The following TRDMT1 variants were observed in gnomAD, a reference collection of about 807,000 sequenced individuals.
The protein encoded by TRDMT1 is tRNA aspartic acid methyltransferase 1, also known as tRNA (cytosine(38)-C(5))-methyltransferase.
A neutral mutation model predicts 51.2 loss-of-function variants in TRDMT1; 49 were observed. That is an observed-to-expected ratio of 0.96 (90% CI 0.76 to 1.21). TRDMT1 has a LOEUF of 1.21. Ranked by LOEUF, TRDMT1 falls within the 50% of genes most tolerant of loss-of-function variation. The pLI is 0.00. For synonymous variants in TRDMT1, 187 were observed against 164.6 expected, an observed-to-expected ratio of 1.14 and a Z score of -1.04; for missense variants, 534 against 462.3, an observed-to-expected ratio of 1.16 and a Z score of -1.42.
intron 1 of TRDMT1, among the ~76,000 whole-genome samples, chr10:17,194,918 G>C (rs1364556250): frequency 1.5e-5 from 1 of 66,280 alleles, no homozygotes; most frequent in Non-Finnish European, 2.9e-5. Context: ...GTGCAACAAA[G>C]CAAGAATCCG....
At position 17,139,866 on chromosome 10, in the gene TRDMT1, A is replaced by C. The variant is rs567694745; in HGVS notation, c.*9174T>G. On this transcript the variant is annotated 3_prime_UTR_variant, in exon 11 of 11. Transcript: ENST00000377799. ...GTTATTCTAAGATCTATAAAAAACAACACCTTTGTATGCTTTCTTTATAGT... is the reference window on the plus strand; with the variant it reads ...GTTATTCTAAGATCTATAAAAAACACCACCTTTGTATGCTTTCTTTATAGT... Among the ~76,000 whole-genome samples, 9 of 152,128 alleles carry C rather than the reference A, an allele frequency of 5.9e-5. No individual in the cohort carries two copies. The East Asian group carries it at 1.7e-3, about 29-fold the overall frequency.
chr10:17,182,065 T>G (rs1275934166), intron 1 of TRDMT1, among the ~76,000 whole-genome samples: 3 of 152,134 alleles, frequency 2.0e-5, no homozygotes, highest in African/African-American at 7.2e-5. Context: ...AATAAGCCAA[T>G]TAGGCACAAT....
rs558433225 is a variant in TRDMT1, at chr10:17,147,964, A to G, written c.*1076T>C. On this transcript the variant is annotated 3_prime_UTR_variant, in exon 11 of 11. Coordinates refer to ENST00000377799, the MANE Select transcript of TRDMT1 (RefSeq NM_004412.7). ...ACAAACTTCCAATTTATCCACCTCT[A>G]AATAGCTGATTTTTAAGAAGAAAAA... 1.0e-4 allele frequency: 99 copies of G among 980,910 alleles called. No individual in the cohort carries two copies. The South Asian group carries it at 3.8e-3, about 37-fold the overall frequency. The allele number at this position is 980,910 out of a possible 1,614,324, so 60.8% of individuals were successfully genotyped here.
chr10:17,181,964 A>T (rs1843336933), intron 1 of TRDMT1, among the ~76,000 whole-genome samples: 1 of 152,138 alleles, frequency 6.6e-6, no homozygotes, highest in Admixed American at 6.5e-5. Context: ...GATGGCCTCA[A>T]ATCCCCTTCT....
At position 17,161,511 on chromosome 10, in the gene TRDMT1, C is replaced by T; in HGVS notation, c.361G>A (p.Val121Ile). 6 of 1,353,246 alleles carry T rather than the reference C, an allele frequency of 4.4e-6. No homozygotes were observed. Among genetic ancestry groups the T allele is most frequent in the Non-Finnish European group, 6.0e-6 (6 of 1,000,460 alleles). 83.8% of individuals were successfully genotyped at this position (1,353,246 alleles called of 1,614,324 possible). Residue 121 changes from valine to isoleucine, a missense_variant, in exon 5 of 11, where the codon GTT becomes ATT. Val to Ile is a conservative substitution (Grantham distance 29, BLOSUM62 3). Transcript: ENST00000377799. The part of the protein sequence containing the change: ...KLPKYILLEN[V>I]KGFEVSSTRD... ...GTAGAAGATACTTCAAAACCTTTAACATTTTCCAAAAGAATATACTTTGGT... is the reference window on the plus strand; with the variant it reads ...GTAGAAGATACTTCAAAACCTTTAATATTTTCCAAAAGAATATACTTTGGT...
intron 2 of TRDMT1, chr10:17,172,036 G>A (rs1842101278): frequency 6.0e-6 from 1 of 166,952 alleles, no homozygotes; most frequent in Non-Finnish European, 1.5e-5. Flanking sequence ...TGGAGAAAGT[G>A]AAGAAAGAGA....
At chr10:17,170,809 C>A (rs1315736472) in intron 2 of TRDMT1, among the ~76,000 whole-genome samples, 1 of 148,970 alleles carries the variant, frequency 6.7e-6, no homozygotes, top group Non-Finnish European at 1.5e-5. Flanking sequence ...CCTATTATGT[C>A]TTCTAGTAGA....
chr10:17,153,993 C>G (rs959295708), intron 9 of TRDMT1, among the ~76,000 whole-genome samples: 1 of 152,048 alleles, frequency 6.6e-6, no homozygotes, highest in Admixed American at 6.6e-5. Flanking sequence ...TACAATAAAA[C>G]AGGAGAATCA....
chr10:17,194,059 G>C (rs530114409), intron 1 of TRDMT1, among the ~76,000 whole-genome samples: 1 of 152,238 alleles, frequency 6.6e-6, no homozygotes, highest in African/African-American at 2.4e-5. Context: ...AATGGGGAAA[G>C]GACTCACTAT....
rs754723100 is a variant in TRDMT1 at position 17,159,133 on chromosome 10, C to G, written c.543+13G>C. On this transcript the variant is annotated intron_variant, in intron 7 of 10. Coordinates refer to ENST00000377799, the MANE Select transcript of TRDMT1 (RefSeq NM_004412.7). Reference sequence around the variant, plus strand: ...AAGCCATAATATTCATAATAAAATTCCAATAATAATACCTGACCAGGGGCT... The same window carrying G: ...AAGCCATAATATTCATAATAAAATTGCAATAATAATACCTGACCAGGGGCT... 1.3e-6 allele frequency: 2 copies of G among 1,527,582 alleles called. No homozygotes were observed. Among genetic ancestry groups the G allele is most frequent in the Non-Finnish European group, 1.8e-6 (2 of 1,133,084 alleles). The allele number at this position is 1,527,582 out of a possible 1,614,324, so 94.6% of individuals were successfully genotyped here. A position where few individuals can be genotyped will look rare whatever the true frequency, so the allele number is the denominator to read the frequency against.
chr10:17,191,672 A>C (rs148102558), intron 1 of TRDMT1, among the ~76,000 whole-genome samples: 165 of 152,228 alleles, frequency 1.1e-3, no homozygotes, highest in African/African-American at 3.8e-3. Context: ...TAGAGACGCT[A>C]CTGGGTCTGA....
At chr10:17,157,837 G>A (rs1839776987) in intron 7 of TRDMT1, 53 bp from the exon 8 acceptor site, 1 of 1,342,012 alleles carries the variant, frequency 7.5e-7, no homozygotes. Flanking sequence ...AAAAATAAGA[G>A]AAATTAACAA....
intron 1 of TRDMT1, among the ~76,000 whole-genome samples, chr10:17,181,680 A>T (rs1238342442): frequency 5.2e-5 from 1 of 19,268 alleles, no homozygotes; most frequent in Non-Finnish European, 3.2e-4. Context: ...ATTTAGGTCA[A>T]ATTTTTTAAC....
rs1838050088 is a variant in TRDMT1 at position 17,145,752 on chromosome 10, G to A, written c.*3288C>T. On this transcript the variant is annotated 3_prime_UTR_variant, in exon 11 of 11. Coordinates refer to ENST00000377799, the MANE Select transcript of TRDMT1 (RefSeq NM_004412.7). ...GTTTCTAAACTCTTAAGTTATCAAAGCAAAAGAGCAACCAGAGTGACTTTG... is the reference window on the plus strand; with the variant it reads ...GTTTCTAAACTCTTAAGTTATCAAAACAAAAGAGCAACCAGAGTGACTTTG... The A allele has an allele frequency of 1.0e-6, 1 of 985,292 alleles. No homozygotes were observed. Among genetic ancestry groups the A allele is most frequent in the Admixed American group, 6.1e-5 (1 of 16,272 alleles). The allele number at this position is 985,292 out of a possible 1,614,324, so 61.0% of individuals were successfully genotyped here.
chr10:17,160,356 T>G lies in TRDMT1; in HGVS notation c.408A>C (p.Thr136=). 1.3e-6 allele frequency: 2 copies of G among 1,563,878 alleles called. No individual in the cohort carries two copies. Among genetic ancestry groups the G allele is most frequent in the South Asian group, 1.2e-5 (1 of 81,362 alleles). ...GGTACTGAAAGCCACAATTTTCTAT[T>G]GTTTGTATCAAGAGGTCTCTAAAAA... ...VSSTRDLLIQ[T]IENCGFQYQE... The change falls in exon 6 of 11, where the codon ACA becomes ACC. Residue 136 remains threonine, a synonymous_variant. Transcript: ENST00000377799.
intron 10 of TRDMT1, among the ~76,000 whole-genome samples, chr10:17,152,307 A>G (rs1233417203): frequency 6.6e-6 from 1 of 152,212 alleles, no homozygotes; most frequent in African/African-American, 2.4e-5. Flanking sequence ...CAGGGAGTAC[A>G]AAATAAAACT....
At position 17,138,837 on chromosome 10, in the gene TRDMT1, C is replaced by T. The variant is rs1218626504; in HGVS notation, c.*10203G>A. On this transcript the variant is annotated 3_prime_UTR_variant, in exon 11 of 11. Transcript: ENST00000377799. Reference sequence around the variant, plus strand: ...CGAAATTCAAATCCAGAGGGACAAACGCAATAGGGGAATAGGGCTTTGGAG... The same window carrying T: ...CGAAATTCAAATCCAGAGGGACAAATGCAATAGGGGAATAGGGCTTTGGAG... 2.0e-5 allele frequency among the ~76,000 whole-genome samples: 3 copies of T among 151,574 alleles called. No individual in the cohort carries two copies. The highest frequency in any genetic ancestry group is 4.4e-5 in the Non-Finnish European group (3 of 67,956).
chr10:17,160,269 A>G, intron 6 of TRDMT1, 36 bp downstream of exon 6: 1 of 1,333,686 alleles, frequency 7.5e-7, no homozygotes, highest in East Asian at 2.7e-5. Context: ...CCTTTAAATT[A>G]TAATTTATAT....
In TRDMT1 at chr10:17,146,754, T is replaced by G. The variant is rs544570525; in HGVS notation, c.*2286A>C. The G allele has an allele frequency of 7.1e-5, 70 of 985,290 alleles. No individual in the cohort carries two copies. Among genetic ancestry groups the G allele is most frequent in the Middle Eastern group, 5.2e-4 (1 of 1,936 alleles). The allele number at this position is 985,290 out of a possible 1,614,324, so 61.0% of individuals were successfully genotyped here. ...AGTCCAAATATCAGGAAACAGAATT[T>G]CCAGTGCAAATTTTATATACAGCAT... On this transcript the variant is annotated 3_prime_UTR_variant, in exon 11 of 11. Transcript: ENST00000377799.
Sources: gnomAD v4.1 joint callset for allele counts (sites outside exome capture counted in the v4.1 genomes callset) on GRCh38, gnomAD v4.1.1 for gene constraint, MANE v1.5 for transcripts, NCBI Gene and HGNC (gene_info 2026-07-23, HGNC 2026-07-21) for gene names.